The following PELI2 variants were observed in gnomAD, a reference collection of about 807,000 sequenced individuals.
PELI2 encodes the protein E3 ubiquitin-protein ligase pellino homolog 2.
In PELI2, 23 loss-of-function variants were observed where a neutral mutation model predicts 42.3. The ratio of observed to expected loss-of-function variants is 0.54; its 90% CI spans 0.39 to 0.77. PELI2 has a LOEUF of 0.77. PELI2 is among the 30% of genes least tolerant of loss of function. The pLI is 0.00. For synonymous variants in PELI2, 245 were observed against 212.2 expected (o/e 1.15, Z -1.34); for missense variants, 463 against 553.2 (o/e 0.84, Z 1.64).
At chr14:56,234,775 C>G (rs923078655) in intron 2 of PELI2, among the ~76,000 whole-genome samples, 3 of 151,630 alleles carry the variant, frequency 2.0e-5, no homozygotes, top group African/African-American at 7.3e-5. Context: ...AAAAGTGAAG[C>G]CTGGTGAGGC....
At chr14:56,163,332 C>CT (rs1884835559) in intron 1 of PELI2, among the ~76,000 whole-genome samples, 1 of 152,102 alleles carries the variant, frequency 6.6e-6, no homozygotes, top group South Asian at 2.1e-4. Context: ...ATTGAAGAGA[C>CT]TTTTTCCCAG....
intron 2 of PELI2, among the ~76,000 whole-genome samples, chr14:56,228,539 G>C (rs993679669): frequency 1.3e-5 from 2 of 151,978 alleles, no homozygotes; most frequent in Admixed American, 6.6e-5. Context: ...TTTATTATGG[G>C]AAAATACACG....
chr14:56,128,577 C>G (rs1883364748), intron 1 of PELI2, among the ~76,000 whole-genome samples: 1 of 152,074 alleles, frequency 6.6e-6, no homozygotes, highest in Non-Finnish European at 1.5e-5. Context: ...TGGCCTTTAG[C>G]AGAGCCTTGA....
intron 2 of PELI2, among the ~76,000 whole-genome samples, chr14:56,186,365 C>T (rs982570761): frequency 2.6e-5 from 4 of 152,198 alleles, no homozygotes; most frequent in Non-Finnish European, 5.9e-5. Flanking sequence ...ATAGATGCTG[C>T]CCTGTCAGCC....
chr14:56,198,751 A>G (rs988157419), intron 2 of PELI2, among the ~76,000 whole-genome samples: 2 of 152,294 alleles, frequency 1.3e-5, no homozygotes, highest in African/African-American at 4.8e-5. Flanking sequence ...GCATGCTTAT[A>G]TGCTGATGGA....
chr14:56,159,792 C>G (rs952517905), intron 1 of PELI2, among the ~76,000 whole-genome samples: 1 of 152,148 alleles, frequency 6.6e-6, no homozygotes, highest in Admixed American at 6.5e-5. Flanking sequence ...AATAGCCTTC[C>G]TGATTCCCAG....
At chr14:56,274,119 G>C (rs558963771) in intron 2 of PELI2, among the ~76,000 whole-genome samples, 2 of 152,280 alleles carry the variant, frequency 1.3e-5, no homozygotes, top group East Asian at 3.9e-4. Flanking sequence ...ATTTCCATGC[G>C]CTAGCCTCAG....
At position 56,118,669 on chromosome 14, in the gene PELI2, C is replaced by T. The variant is rs777284369; in HGVS notation, c.9C>T (p.Ser3=). Reference sequence around the variant, plus strand: ...CGGCCGAGCGGGGCTCCATGTTTTCCCCTGGCCAGGAGGAACACTGCGCCC... The same window carrying T: ...CGGCCGAGCGGGGCTCCATGTTTTCTCCTGGCCAGGAGGAACACTGCGCCC... MF[S]PGQEEHCAPN... is the part of the protein sequence containing the mutation. The change falls in exon 1 of 6, where the codon TCC becomes TCT. Residue 3 remains serine, a synonymous_variant. Transcript: ENST00000267460. The T allele has an allele frequency of 5.4e-6, 8 of 1,471,102 alleles. No homozygotes were observed. The South Asian group carries it at 7.9e-5, about 14-fold the overall frequency. 91.1% of individuals were successfully genotyped at this position (1,471,102 alleles called of 1,614,324 possible).
chr14:56,182,953 G>T (rs2139675216), intron 2 of PELI2, among the ~76,000 whole-genome samples: 1 of 152,240 alleles, frequency 6.6e-6, no homozygotes, highest in East Asian at 1.9e-4. Context: ...TCATGATGGA[G>T]CTGGGGCCTC....
At chr14:56,196,041 T>G (rs2139696934) in intron 2 of PELI2, among the ~76,000 whole-genome samples, 1 of 152,380 alleles carries the variant, frequency 6.6e-6, no homozygotes, top group East Asian at 1.9e-4. Context: ...AAGTGTTTAC[T>G]CAGCAGGTGA....
At chr14:56,157,948 C>G (rs2139633940) in intron 1 of PELI2, among the ~76,000 whole-genome samples, 1 of 152,308 alleles carries the variant, frequency 6.6e-6, no homozygotes, top group South Asian at 2.1e-4. Context: ...TGTGTACCAT[C>G]AAGTTTCTTT....
intron 2 of PELI2, among the ~76,000 whole-genome samples, chr14:56,203,568 TGAA>T (rs1886413943): frequency 6.6e-6 from 1 of 152,096 alleles, no homozygotes; most frequent in Non-Finnish European, 1.5e-5. Flanking sequence ...AGTTGGACAG[TGAA>T]GGACAAAGCA....
chr14:56,276,750 A>G (rs568218924), intron 2 of PELI2, among the ~76,000 whole-genome samples: 13 of 152,314 alleles, frequency 8.5e-5, no homozygotes, highest in African/African-American at 3.1e-4. Flanking sequence ...TTTTTAATCT[A>G]AAAGACACAG....
At chr14:56,224,434 C>T (rs7161274) in intron 2 of PELI2, among the ~76,000 whole-genome samples, 24,174 of 152,160 alleles carry the variant, frequency 0.16, 3,361 homozygotes, top group African/African-American at 0.37. Flanking sequence ...GTGATTTGCC[C>T]TCTGGTGTCT....
In PELI2 at chr14:56,197,562, C is replaced by T. The variant is rs1244316360; in HGVS notation, c.207+19098C>T. 6.6e-6 allele frequency among the ~76,000 whole-genome samples: 1 copy of T among 152,090 alleles called. No individual in the cohort carries two copies. The highest frequency in any genetic ancestry group is 6.5e-5 in the Admixed American group (1 of 15,282). ...TGGAAGCACAGAGACCAGTTAGAGC[C>T]TGTTGCATTGGCTTAGACCAGAAAT... On this transcript the variant is annotated intron_variant, in intron 2 of 5. Transcript: ENST00000267460. The surrounding 1 kb of genome is among the most constrained non-coding windows in gnomAD (Gnocchi z 4.9).
chr14:56,161,719 A>G (rs927775982), intron 1 of PELI2, among the ~76,000 whole-genome samples: 1 of 152,230 alleles, frequency 6.6e-6, no homozygotes, highest in East Asian at 1.9e-4. Context: ...ATTTTGAATG[A>G]ATACATATAT....
chr14:56,168,203 G>A (rs1353309954), intron 1 of PELI2, among the ~76,000 whole-genome samples: 1 of 152,148 alleles, frequency 6.6e-6, no homozygotes, highest in African/African-American at 2.4e-5. Context: ...AGGCTCTGGG[G>A]CTCTGTAATC....
intron 2 of PELI2, among the ~76,000 whole-genome samples, chr14:56,211,018 C>T (rs1021064869): frequency 2.0e-5 from 3 of 152,178 alleles, no homozygotes; most frequent in African/African-American, 7.2e-5. Context: ...GGGTGCAGCT[C>T]ACACATTCTG....
chr14:56,229,092 C>G (rs1887464826), intron 2 of PELI2, among the ~76,000 whole-genome samples: 2 of 152,224 alleles, frequency 1.3e-5, no homozygotes, highest in South Asian at 2.1e-4. Context: ...GTAAACAAAG[C>G]AGCCAGGAAG....
Sources: allele counts gnomAD v4.1 joint callset (sites outside exome capture counted in the v4.1 genomes callset), GRCh38; gene constraint gnomAD v4.1.1; non-coding constraint Gnocchi (gnomAD v3.1); transcripts MANE v1.5; gene names NCBI Gene and HGNC (gene_info 2026-07-23, HGNC 2026-07-21).